The following SIPA1L3 variants were observed in gnomAD, a reference collection of about 807,000 sequenced individuals.
SIPA1L3 encodes signal induced proliferation associated 1 like 3.
A neutral mutation model predicts 150.1 loss-of-function variants in SIPA1L3; 59 were observed. The ratio of observed to expected loss-of-function variants is 0.39; its 90% CI spans 0.32 to 0.49. The LOEUF is 0.49. Ranked by LOEUF, SIPA1L3 falls within the 20% of genes least tolerant of loss-of-function variation. The probability of loss-of-function intolerance (pLI) is 0.86; values close to 1 mark genes in which losing one functional copy is unlikely to be tolerated. For synonymous variants in SIPA1L3, 1,070 were observed against 1,077.6 expected, an observed-to-expected ratio of 0.99 and a Z score of 0.14; for missense variants, 2,211 against 2,489.5, an observed-to-expected ratio of 0.89 and a Z score of 2.38.
intron 1 of SIPA1L3, among the ~76,000 whole-genome samples, chr19:37,954,560 A>T (rs2046792285): frequency 1.3e-5 from 2 of 152,102 alleles, no homozygotes; most frequent in Admixed American, 1.3e-4. Context: ...GATGTTGAGG[A>T]TCTGAACATT....
chr19:37,972,163 T>C lies in SIPA1L3; in HGVS notation c.-378-56926T>C, dbSNP rs1359530082. On this transcript the variant is annotated intron_variant, in intron 1 of 21. Transcript: ENST00000222345. ...AGCTTTTTTAGGAATAAGGCAGAGATACCTAGTGTGTGTGTGTGTGTGTGT... is the reference window on the plus strand; with the variant it reads ...AGCTTTTTTAGGAATAAGGCAGAGACACCTAGTGTGTGTGTGTGTGTGTGT... Among the ~76,000 whole-genome samples, 3 of 114,110 alleles carry C rather than the reference T, an allele frequency of 2.6e-5. No homozygotes were observed. In the East Asian group the frequency reaches 7.9e-4, roughly 30 times the overall value. 74.9% of individuals were successfully genotyped at this position (114,110 alleles called of 152,430 possible).
At chr19:38,194,214 G>T (rs1284608671) in intron 18 of SIPA1L3, among the ~76,000 whole-genome samples, 1 of 151,602 alleles carries the variant, frequency 6.6e-6, no homozygotes, top group Non-Finnish European at 1.5e-5. Flanking sequence ...GGTGGTGCAT[G>T]GTATGACTTG....
At chr19:38,038,355 G>A (rs1250603201) in intron 2 of SIPA1L3, among the ~76,000 whole-genome samples, 2 of 152,136 alleles carry the variant, frequency 1.3e-5, no homozygotes, top group Admixed American at 1.3e-4. Context: ...CACTTTGGGA[G>A]GCCCAGGTGA....
intron 2 of SIPA1L3, among the ~76,000 whole-genome samples, chr19:38,053,719 G>A (rs928116342): frequency 2.6e-5 from 4 of 151,950 alleles, no homozygotes; most frequent in Non-Finnish European, 5.9e-5. Context: ...AACACGCCCA[G>A]CTAATTTTTA....
At position 38,206,287 on chromosome 19, in the gene SIPA1L3, C is replaced by T. The variant is rs1340269768; in HGVS notation, c.*47C>T. On this transcript the variant is annotated 3_prime_UTR_variant, in exon 22 of 22. Transcript: ENST00000222345. ...TTCGCTCCTTCCCCTCAGGCCGTGG[C>T]CCTGCTGCCTCTCTCCCTCCACTCA... 1 of 1,496,904 alleles carries T rather than the reference C, an allele frequency of 6.7e-7. No homozygotes were observed. The highest frequency in any genetic ancestry group is 9.0e-7 in the Non-Finnish European group (1 of 1,115,230). 92.7% of individuals were successfully genotyped at this position (1,496,904 alleles called of 1,614,324 possible).
chr19:37,968,821 C>G (rs983921011), intron 1 of SIPA1L3, among the ~76,000 whole-genome samples: 2 of 152,162 alleles, frequency 1.3e-5, no homozygotes, highest in African/African-American at 4.8e-5. Context: ...TGCAGAAATT[C>G]TGAAGCTCAC....
chr19:38,197,530 C>T (rs181984198), intron 18 of SIPA1L3, among the ~76,000 whole-genome samples: 1 of 151,980 alleles, frequency 6.6e-6, no homozygotes, highest in Admixed American at 6.6e-5. Flanking sequence ...ACTGGCGATT[C>T]CAATCACAGG....
At chr19:37,939,898 C>G (rs2046637450) in intron 1 of SIPA1L3, among the ~76,000 whole-genome samples, 1 of 152,162 alleles carries the variant, frequency 6.6e-6, no homozygotes, top group African/African-American at 2.4e-5. Flanking sequence ...CATCAGACAC[C>G]AGGATGGTAC....
At chr19:38,108,628 C>A (rs140372820) in intron 7 of SIPA1L3, 3 of 152,210 alleles carry the variant, frequency 2.0e-5, no homozygotes, top group Admixed American at 1.3e-4. Context: ...GTGGGACTCC[C>A]GTCCATGGAT....
At chr19:38,151,322 CT>C (rs1293969842) in intron 12 of SIPA1L3, among the ~76,000 whole-genome samples, 1 of 152,238 alleles carries the variant, frequency 6.6e-6, no homozygotes, top group Non-Finnish European at 1.5e-5. Context: ...CGCAGTTCCA[CT>C]GCTGGTTGGC....
At position 38,183,846 on chromosome 19, in the gene SIPA1L3, T is replaced by TCGGGCGAGGAGGCTGGGCC. The variant is rs774719998; in HGVS notation, c.4430+1108_4430+1126dup. On this transcript the variant is annotated intron_variant, in intron 16 of 21. Coordinates refer to ENST00000222345, the MANE Select transcript of SIPA1L3 (RefSeq NM_015073.3). ...GGGCCAGGGCCAGGAGAGGCGGAGC[T>TCGGGCGAGGAGGCTGGGCC]CGGGCGAGGAGGCTGGGCCCAGGCC... Among the ~76,000 whole-genome samples, 581 of 151,782 alleles carry TCGGGCGAGGAGGCTGGGCC rather than the reference T, an allele frequency of 3.8e-3. 6 individuals are homozygous for TCGGGCGAGGAGGCTGGGCC. Among genetic ancestry groups the TCGGGCGAGGAGGCTGGGCC allele is most frequent in the Middle Eastern group, 0.02 (6 of 294 alleles).
At chr19:38,180,612 C>T (rs1248936657) in intron 15 of SIPA1L3, among the ~76,000 whole-genome samples, 3 of 144,938 alleles carry the variant, frequency 2.1e-5, no homozygotes, top group Non-Finnish European at 3.0e-5. Context: ...GGCGTGATCT[C>T]GGCTCACCGC....
At chr19:38,078,535 GAC>G (rs992202733) in intron 2 of SIPA1L3, among the ~76,000 whole-genome samples, 13 of 136,634 alleles carry the variant, frequency 9.5e-5, no homozygotes, top group Admixed American at 3.6e-4. Context: ...GACGCACACA[GAC>G]ACGCACACAC....
At chr19:38,095,958 A>G (rs1407624612) in intron 4 of SIPA1L3, among the ~76,000 whole-genome samples, 1 of 152,214 alleles carries the variant, frequency 6.6e-6, no homozygotes, top group African/African-American at 2.4e-5. Flanking sequence ...ACTGAAACCC[A>G]CAACCCCAGG....
At chr19:38,102,564 T>C (rs12982972) in intron 6 of SIPA1L3, among the ~76,000 whole-genome samples, 78,669 of 142,520 alleles carry the variant, frequency 0.55, 22,546 homozygotes, top group East Asian at 0.75. Flanking sequence ...CAAGACCAGC[T>C]TGGGCAAAAA....
chr19:38,132,982 T>C (rs1971348462), intron 10 of SIPA1L3, among the ~76,000 whole-genome samples: 1 of 152,160 alleles, frequency 6.6e-6, no homozygotes, highest in African/African-American at 2.4e-5. Context: ...AGAAACCAGG[T>C]CACCTGTCCT....
At chr19:38,044,524 A>G (rs1178106782) in intron 2 of SIPA1L3, among the ~76,000 whole-genome samples, 2 of 152,102 alleles carry the variant, frequency 1.3e-5, no homozygotes, top group Non-Finnish European at 2.9e-5. Context: ...GCCCGAGGTG[A>G]TTGCTAGATG....
chr19:38,013,288 A>G (rs1968149615), intron 1 of SIPA1L3, among the ~76,000 whole-genome samples: 1 of 152,228 alleles, frequency 6.6e-6, no homozygotes. Context: ...TACCAGGTCC[A>G]AAAAGCAAAG....
At chr19:38,117,774 G>A (rs1033373857) in intron 8 of SIPA1L3, among the ~76,000 whole-genome samples, 1 of 151,988 alleles carries the variant, frequency 6.6e-6, no homozygotes, top group South Asian at 2.1e-4. Flanking sequence ...TGGGGGAACA[G>A]AGTCTTCAGA....
Sources: allele counts gnomAD v4.1 joint callset (sites outside exome capture counted in the v4.1 genomes callset), GRCh38; gene constraint gnomAD v4.1.1; transcripts MANE v1.5; gene names NCBI Gene and HGNC (gene_info 2026-07-23, HGNC 2026-07-21).